The following FSTL4 variants were observed in gnomAD, a reference collection of about 807,000 sequenced individuals.
FSTL4 encodes follistatin like 4.
In FSTL4, 28 loss-of-function variants were observed where a neutral mutation model predicts 78.2. The observed-to-expected ratio is 0.36, with a 90% CI of 0.27 to 0.49. FSTL4 has a LOEUF of 0.49. Ranked by LOEUF, FSTL4 falls within the 20% of genes least tolerant of loss-of-function variation. The probability of loss-of-function intolerance (pLI) is 0.98; values close to 1 mark genes in which losing one functional copy is unlikely to be tolerated. For synonymous variants in FSTL4, 422 were observed against 440.5 expected (o/e 0.96, Z 0.53); for missense variants, 922 against 1,084.9 (o/e 0.85, Z 2.11).
At chr5:133,431,957 T>C (rs1756949263) in intron 3 of FSTL4, among the ~76,000 whole-genome samples, 1 of 152,194 alleles carries the variant, frequency 6.6e-6, no homozygotes, top group South Asian at 2.1e-4. Context: ...AGAACTCATT[T>C]ATATGCAAAA....
intron 6 of FSTL4, among the ~76,000 whole-genome samples, chr5:133,267,624 C>T (rs1352283621): frequency 6.6e-6 from 1 of 151,848 alleles, no homozygotes; most frequent in Non-Finnish European, 1.5e-5. Flanking sequence ...CTTGGTGTTG[C>T]TCTCCTGCCA....
At chr5:133,657,759 G>GTTT in the FSTL4 span, among the ~76,000 whole-genome samples, 49 of 111,774 alleles carry the variant, frequency 4.4e-4, no homozygotes, top group Non-Finnish European at 7.0e-4. Flanking sequence ...CTAGCTTACT[G>GTTT]TTTTTTGTTT....
chr5:133,381,579 G>A (rs1037776097), intron 4 of FSTL4, among the ~76,000 whole-genome samples: 1 of 152,202 alleles, frequency 6.6e-6, no homozygotes, highest in African/African-American at 2.4e-5. Flanking sequence ...GGAGGGGCAC[G>A]AGAGAGGGAG....
At chr5:133,377,238 G>A (rs562893305) in intron 4 of FSTL4, among the ~76,000 whole-genome samples, 1 of 152,304 alleles carries the variant, frequency 6.6e-6, no homozygotes, top group Non-Finnish European at 1.5e-5. Context: ...CAGTAACACT[G>A]GGACCCGAAG....
chr5:133,263,715 T>C (rs372509716), intron 6 of FSTL4, among the ~76,000 whole-genome samples: 1 of 152,314 alleles, frequency 6.6e-6, no homozygotes, highest in Admixed American at 6.5e-5. Context: ...AGACAGAAGG[T>C]CAAGGATATT....
At chr5:133,342,993 G>A (rs947522165) in intron 4 of FSTL4, among the ~76,000 whole-genome samples, 3 of 152,144 alleles carry the variant, frequency 2.0e-5, no homozygotes, top group African/African-American at 7.2e-5. Flanking sequence ...ACCTGCCTGT[G>A]ATTGTCCTAA....
upstream of FSTL4, among the ~76,000 whole-genome samples, chr5:133,616,818 G>T (rs1278832623): frequency 6.6e-6 from 1 of 152,154 alleles, no homozygotes; most frequent in Non-Finnish European, 1.5e-5. Context: ...AGATGGTACT[G>T]GACTTAGTTG....
intron 6 of FSTL4, among the ~76,000 whole-genome samples, chr5:133,286,911 C>G (rs1239709627): frequency 6.6e-6 from 1 of 152,132 alleles, no homozygotes; most frequent in Non-Finnish European, 1.5e-5. Flanking sequence ...ATTTTCAATC[C>G]CATAAAAAGA....
Position 133,312,801 on chromosome 5 carries a change from G to C in FSTL4, c.604-24C>G, listed in dbSNP as rs530333218. ...TGCTGTGGGGTGAGGAGGAGAACAA[G>C]GCCAGAATCAGATGAGTTTAGAGTC... On this transcript the variant is annotated intron_variant, in intron 5 of 15. Transcript: ENST00000265342. 4.3e-6 allele frequency: 7 copies of C among 1,613,358 alleles called. No individual in the cohort carries two copies. In the Middle Eastern group the frequency reaches 5.0e-4, roughly 114 times the overall value.
chr5:133,816,924 G>A, the FSTL4 span, among the ~76,000 whole-genome samples: 1 of 152,146 alleles, frequency 6.6e-6, no homozygotes, highest in Non-Finnish European at 1.5e-5. Context: ...AAGCGGCAGG[G>A]AGATCAGGGG....
chr5:133,498,010 C>G (rs1758406222), intron 3 of FSTL4, among the ~76,000 whole-genome samples: 2 of 151,918 alleles, frequency 1.3e-5, no homozygotes, highest in Admixed American at 1.3e-4. Flanking sequence ...GCATGGCACC[C>G]AGCCTACACA....
intron 3 of FSTL4, among the ~76,000 whole-genome samples, chr5:133,540,886 T>A (rs1033530701): frequency 2.0e-5 from 3 of 152,146 alleles, no homozygotes; most frequent in Non-Finnish European, 4.4e-5. Flanking sequence ...AACCACCCAC[T>A]ACCCCACATC....
At chr5:133,284,478 T>C (rs1353200990) in intron 6 of FSTL4, among the ~76,000 whole-genome samples, 2 of 152,204 alleles carry the variant, frequency 1.3e-5, no homozygotes, top group East Asian at 3.9e-4. Flanking sequence ...GCAGTAGTTT[T>C]GCTGCTGACG....
chr5:133,295,459 G>A (rs1753370165), intron 6 of FSTL4, among the ~76,000 whole-genome samples: 1 of 152,108 alleles, frequency 6.6e-6, no homozygotes. Flanking sequence ...ACGTGTGTTT[G>A]CAAAAGCCTT....
At chr5:133,576,416 G>A (rs916154901) in intron 2 of FSTL4, among the ~76,000 whole-genome samples, 2 of 152,212 alleles carry the variant, frequency 1.3e-5, no homozygotes, top group East Asian at 1.9e-4. Context: ...TGTGGGTTAC[G>A]AAAGTGGGGG....
chr5:133,695,031 G>C, the FSTL4 span, among the ~76,000 whole-genome samples: 1 of 152,080 alleles, frequency 6.6e-6, no homozygotes, highest in Non-Finnish European at 1.5e-5. Context: ...CCACTGTGTT[G>C]TGGCATCAGA....
chr5:133,273,590 T>G (rs567888229), intron 6 of FSTL4, among the ~76,000 whole-genome samples: 1 of 152,256 alleles, frequency 6.6e-6, no homozygotes, highest in South Asian at 2.1e-4. Flanking sequence ...TCCCAAGGGG[T>G]GCAGAACAGT....
the FSTL4 span, among the ~76,000 whole-genome samples, chr5:133,785,816 T>C: frequency 2.0e-5 from 3 of 152,242 alleles, no homozygotes; most frequent in Admixed American, 2.0e-4. Flanking sequence ...GAAAGGCACA[T>C]AGACAATGTC....
intron 3 of FSTL4, among the ~76,000 whole-genome samples, chr5:133,494,976 A>G (rs1220254348): frequency 6.6e-6 from 1 of 152,246 alleles, no homozygotes; most frequent in Non-Finnish European, 1.5e-5. Flanking sequence ...GTGAGGCTGT[A>G]AACAACTGTC....
Sources: allele counts gnomAD v4.1 joint callset (sites outside exome capture counted in the v4.1 genomes callset), GRCh38; gene constraint gnomAD v4.1.1; transcripts MANE v1.5; gene names NCBI Gene and HGNC (gene_info 2026-07-23, HGNC 2026-07-21).